Variants in ITGB3 observed in about 807,000 individuals in gnomAD.
The protein encoded by ITGB3 is integrin beta-3.
Under a neutral mutation model 85.8 loss-of-function variants are expected in ITGB3, and 48 were observed. The observed-to-expected ratio is 0.56, with a 90% CI of 0.44 to 0.71. ITGB3 has a LOEUF of 0.71. Among genes scored for constraint, ITGB3 ranks in the 30% least tolerant of loss-of-function variants. The pLI is 0.00. For synonymous variants in ITGB3, 363 were observed against 395.6 expected (o/e 0.92, Z 0.98); for missense variants, 861 against 1,019.1 (o/e 0.84, Z 2.11).
At position 47,286,949 on chromosome 17, in the gene ITGB3, G is replaced by C. The variant is rs533986719; in HGVS notation, c.778-121G>C. 22 of 963,830 alleles carry C rather than the reference G, an allele frequency of 2.3e-5. No individual in the cohort carries two copies. In the South Asian group the frequency reaches 3.2e-4, roughly 14 times the overall value. 59.7% of individuals were successfully genotyped at this position (963,830 alleles called of 1,614,324 possible). On this transcript the variant is annotated intron_variant, in intron 5 of 14. Transcript: ENST00000559488. ...GGACTGGGACTGAGACCCTTGTTTT[G>C]AAGAAAAATAAGCTGTCCAGCCCTT...
At position 47,312,391 on chromosome 17, in the gene ITGB3, A is replaced by G. The variant is rs1431212731; in HGVS notation, c.*2187A>G. Among the ~76,000 whole-genome samples the G allele has an allele frequency of 6.6e-6, 1 of 152,138 alleles. No homozygotes were observed. Among genetic ancestry groups the G allele is most frequent in the Non-Finnish European group, 1.5e-5 (1 of 68,022 alleles). On this transcript the variant is annotated 3_prime_UTR_variant, in exon 15 of 15. Coordinates refer to ENST00000559488, the MANE Select transcript of ITGB3 (RefSeq NM_000212.3). ...TTACTGTAGGGAATGGCAGTATGGT[A>G]GAGGGATAAATAGGGGGCGGGGAGG... is the stretch of plus-strand genomic sequence containing the variant.
Position 47,310,616 on chromosome 17 carries a change from C to T in ITGB3, c.*412C>T, listed in dbSNP as rs1418185438. On this transcript the variant is annotated 3_prime_UTR_variant, in exon 15 of 15. Transcript: ENST00000559488. ...AGGGCAGGGCTGAGGCCTCTCATTC[C>T]AGAGGAAGGGACACCAAGCCTTGGC... The T allele has an allele frequency of 1.6e-5, 5 of 309,476 alleles. No homozygotes were observed. The highest frequency in any genetic ancestry group is 3.2e-5 in the Non-Finnish European group (5 of 157,654). 19.2% of individuals were successfully genotyped at this position (309,476 alleles called of 1,614,324 possible). A position where few individuals can be genotyped will look rare whatever the true frequency, so the allele number is the denominator to read the frequency against.
rs1257815942 is a variant in ITGB3 at position 47,299,916 on chromosome 17, G to A, written c.1913+386G>A. The stretch of plus-strand genomic sequence containing the variant: ...AACTACTACAAACCTCCCACTTTAG[G>A]GGCCAGAGGAAGCCCCATCAGCCTG... On this transcript the variant is annotated intron_variant, in intron 11 of 14. Transcript: ENST00000559488. The surrounding 1 kb of genome is among the most constrained non-coding windows in gnomAD (Gnocchi z 5.1). Among the ~76,000 whole-genome samples the A allele has an allele frequency of 1.3e-5, 2 of 151,400 alleles. No individual in the cohort carries two copies. The highest frequency in any genetic ancestry group is 3.9e-4 in the East Asian group (2 of 5,182).
chr17:47,273,310 T>G (rs2065051946), intron 1 of ITGB3, among the ~76,000 whole-genome samples: 1 of 152,190 alleles, frequency 6.6e-6, no homozygotes, highest in African/African-American at 2.4e-5. Flanking sequence ...GAAAACTGCA[T>G]GAAGGAGCTG....
Position 47,283,530 on chromosome 17 carries a change from T to C in ITGB3, c.342T>C (p.Ile114=), listed in dbSNP as rs5920. Reference sequence around the variant, plus strand: ...TCACTCAAGTCAGTCCCCAGAGGATTGCACTCCGGCTCCGGCCAGGTAGGG... The same window carrying C: ...TCACTCAAGTCAGTCCCCAGAGGATCGCACTCCGGCTCCGGCCAGGTAGGG... ...SQVTQVSPQR[I]ALRLRPDDSK... The change falls in exon 3 of 15, where the codon ATT becomes ATC. Residue 114 remains isoleucine (I), a synonymous_variant. Transcript: ENST00000559488. 3.1e-3 allele frequency: 4,999 copies of C among 1,614,194 alleles called. 142 individuals are homozygous for C. In the African/African-American group the frequency reaches 0.054, roughly 18 times the overall value.
At chr17:47,257,950 C>G (rs931692738) in intron 1 of ITGB3, among the ~76,000 whole-genome samples, 1 of 152,146 alleles carries the variant, frequency 6.6e-6, no homozygotes, top group South Asian at 2.1e-4. Flanking sequence ...TTAGAATTTC[C>G]TGATCGAAAT....
At chr17:47,289,811 T>G in intron 7 of ITGB3, 35 bp downstream of exon 7, 1 of 1,496,746 alleles carries the variant, frequency 6.7e-7, no homozygotes. Context: ...GAGTGGGCCC[T>G]GTGATGGTGG....
intron 12 of ITGB3, among the ~76,000 whole-genome samples, chr17:47,301,798 A>G (rs1259336729): frequency 6.6e-6 from 1 of 152,296 alleles, no homozygotes; most frequent in Admixed American, 6.5e-5. Context: ...TACTATTCTC[A>G]TCTTCATTTT....
chr17:47,298,368 C>T (rs1192662108), intron 10 of ITGB3, among the ~76,000 whole-genome samples: 4 of 152,094 alleles, frequency 2.6e-5, no homozygotes, highest in Non-Finnish European at 4.4e-5. Context: ...CACTGGCCCT[C>T]GGCAGTCTGG....
chr17:47,286,610 A>G (rs1313631461), intron 5 of ITGB3, among the ~76,000 whole-genome samples, 188 bp downstream of exon 5: 1 of 152,214 alleles, frequency 6.6e-6, no homozygotes, highest in African/African-American at 2.4e-5. Context: ...GCCTGAGCTG[A>G]CATTTCTTTG....
chr17:47,254,772 C>G (rs907655271), intron 1 of ITGB3, among the ~76,000 whole-genome samples: 1 of 152,138 alleles, frequency 6.6e-6, no homozygotes, highest in African/African-American at 2.4e-5. Flanking sequence ...CGGGCACAGC[C>G]CGGGGTTGCT....
At chr17:47,254,243 C>G (rs1354949853) in intron 1 of ITGB3, among the ~76,000 whole-genome samples, 2 of 151,926 alleles carry the variant, frequency 1.3e-5, no homozygotes, top group African/African-American at 2.4e-5. Context: ...CTCTGAGCCC[C>G]GCGCTCACCC....
intron 2 of ITGB3, among the ~76,000 whole-genome samples, chr17:47,281,696 C>G (rs1028569443): frequency 6.6e-6 from 1 of 152,152 alleles, no homozygotes; most frequent in South Asian, 2.1e-4. Context: ...GGTTAGGTGC[C>G]TGGCCCATGT....
At position 47,287,250 on chromosome 17, in the gene ITGB3, C is replaced by T; in HGVS notation, c.939+19C>T. On this transcript the variant is annotated intron_variant, in intron 6 of 14. Transcript: ENST00000559488. ...TACCATGGTGAGATCTCTGGCACCACCTATGGTTTCTATTCATGATTGTGA... is the reference window on the plus strand; with the variant it reads ...TACCATGGTGAGATCTCTGGCACCATCTATGGTTTCTATTCATGATTGTGA... 6.2e-7 allele frequency: 1 copy of T among 1,613,086 alleles called. No homozygotes were observed. The highest frequency in any genetic ancestry group is 8.5e-7 in the Non-Finnish European group (1 of 1,179,250).
chr17:47,292,868 G>T (rs2065132729), intron 10 of ITGB3, among the ~76,000 whole-genome samples: 1 of 152,356 alleles, frequency 6.6e-6, no homozygotes, highest in Non-Finnish European at 1.5e-5. Context: ...ACCGGGAAAA[G>T]AGTAGTATAT....
At chr17:47,269,293 C>T (rs550368325) in intron 1 of ITGB3, among the ~76,000 whole-genome samples, 2 of 152,346 alleles carry the variant, frequency 1.3e-5, no homozygotes, top group South Asian at 4.2e-4. Flanking sequence ...CTTATTTCTG[C>T]AGCTGGCTTG....
At chr17:47,278,867 A>G (rs547590165) in intron 2 of ITGB3, among the ~76,000 whole-genome samples, 1 of 152,318 alleles carries the variant, frequency 6.6e-6, no homozygotes, top group South Asian at 2.1e-4. Context: ...CTGGGGTGGA[A>G]CAGTTTCATT....
rs535357758 is a variant in ITGB3, at chr17:47,310,549, G to T, written c.*345G>T. On this transcript the variant is annotated 3_prime_UTR_variant, in exon 15 of 15. Coordinates refer to ENST00000559488, the MANE Select transcript of ITGB3 (RefSeq NM_000212.3). ...AGCAGGTGTTCTTCATTACCTCAGT[G>T]AGAAGCCAGCTTTCCTCATCAGGCC... The T allele has an allele frequency of 1.0e-5, 4 of 385,594 alleles. No homozygotes were observed. Among genetic ancestry groups the T allele is most frequent in the Non-Finnish European group, 2.0e-5 (4 of 200,340 alleles). 23.9% of individuals were successfully genotyped at this position (385,594 alleles called of 1,614,324 possible). A position where few individuals can be genotyped will look rare whatever the true frequency, so the allele number is the denominator to read the frequency against.
chr17:47,266,807 A>T (rs1225202905), intron 1 of ITGB3, among the ~76,000 whole-genome samples: 1 of 152,050 alleles, frequency 6.6e-6, no homozygotes, highest in Non-Finnish European at 1.5e-5. Flanking sequence ...GTCGCCAACT[A>T]CTGGGCTCAA....
Sources: allele counts gnomAD v4.1 joint callset (sites outside exome capture counted in the v4.1 genomes callset), GRCh38; gene constraint gnomAD v4.1.1; non-coding constraint Gnocchi (gnomAD v3.1); transcripts MANE v1.5; gene names NCBI Gene and HGNC (gene_info 2026-07-23, HGNC 2026-07-21).